STRN: variants seen among roughly 807,000 people sequenced by gnomAD.
The protein encoded by STRN is protein phosphatase 2 regulatory subunit B'''alpha.
STRN carries 53 observed loss-of-function variants against 96.3 expected under a neutral mutation model. The ratio of observed to expected loss-of-function variants is 0.55; its 90% CI spans 0.44 to 0.69. The LOEUF is 0.69. Among genes scored for constraint, STRN ranks in the 30% least tolerant of loss-of-function variants. STRN has a pLI of 0.00. For synonymous variants in STRN, 428 were observed against 355.9 expected, an observed-to-expected ratio of 1.20 and a Z score of -2.28; for missense variants, 987 against 963.9, an observed-to-expected ratio of 1.02 and a Z score of -0.32.
At chr2:36,921,834 A>C (rs1012312883) in intron 2 of STRN, among the ~76,000 whole-genome samples, 2 of 152,160 alleles carry the variant, frequency 1.3e-5, no homozygotes, top group Non-Finnish European at 2.9e-5. Context: ...TCTAAAATGT[A>C]TTTCATACTC....
chr2:36,936,288 C>A (rs537773780), intron 1 of STRN, among the ~76,000 whole-genome samples: 1 of 152,222 alleles, frequency 6.6e-6, no homozygotes, highest in African/African-American at 2.4e-5. Flanking sequence ...ACTGTAGTAA[C>A]AATAAAAACC....
rs140377439 is a variant in STRN, at chr2:36,858,953, T to G, written c.1670-930A>C. Reference sequence around the variant, plus strand: ...AGTGAAACCTAGAATTTACAGATGTTAGCCAGTTGAAGAAGAGGGGGAGAA... The same window carrying G: ...AGTGAAACCTAGAATTTACAGATGTGAGCCAGTTGAAGAAGAGGGGGAGAA... On this transcript the variant is annotated intron_variant, in intron 13 of 17. Coordinates refer to ENST00000263918, the MANE Select transcript of STRN (RefSeq NM_003162.4). 4.8e-3 allele frequency among the ~76,000 whole-genome samples: 728 copies of G among 152,278 alleles called. 6 individuals are homozygous for G. The highest frequency in any genetic ancestry group is 0.016 in the African/African-American group (672 of 41,554).
intron 1 of STRN, among the ~76,000 whole-genome samples, chr2:36,942,181 G>T (rs1318384975): frequency 2.0e-5 from 3 of 152,092 alleles, no homozygotes; most frequent in Non-Finnish European, 4.4e-5. Flanking sequence ...AGACCTTTTT[G>T]TTGCTTTTCC....
intron 1 of STRN, among the ~76,000 whole-genome samples, chr2:36,928,897 G>A (rs575977813): frequency 1.4e-5 from 2 of 147,538 alleles, no homozygotes; most frequent in African/African-American, 2.5e-5. Flanking sequence ...GCAGTGAGCC[G>A]AGACCACGCC....
intron 1 of STRN, among the ~76,000 whole-genome samples, chr2:36,945,204 T>G (rs1239513003): frequency 6.6e-6 from 1 of 152,034 alleles, no homozygotes; most frequent in Admixed American, 6.6e-5. Flanking sequence ...ATAAAGATAC[T>G]TTTTTAAAAG....
rs556153869 is a variant in STRN at position 36,882,279 on chromosome 2, T to C, written c.1186+1653A>G. ...TAATAATTTGAAGAGACAATGCAAA[T>C]ATAGTATTTAAATTCAGAATTTTTT... On this transcript the variant is annotated intron_variant, in intron 9 of 17. Coordinates refer to ENST00000263918, the MANE Select transcript of STRN (RefSeq NM_003162.4). 1.5e-4 allele frequency among the ~76,000 whole-genome samples: 23 copies of C among 152,312 alleles called. No homozygotes were observed. In the South Asian group the frequency reaches 3.5e-3, roughly 23 times the overall value.
rs534154348 is a variant in STRN at position 36,854,323 on chromosome 2, G to A, written c.1978+889C>T. ...CTCCTTTTCCAATTCTATCACCTGAGTTTAATTTATTTTCCTGTCTCTCTC... is the reference window on the plus strand; with the variant it reads ...CTCCTTTTCCAATTCTATCACCTGAATTTAATTTATTTTCCTGTCTCTCTC... On this transcript the variant is annotated intron_variant, in intron 15 of 17. Transcript: ENST00000263918. Among the ~76,000 whole-genome samples the A allele has an allele frequency of 7.2e-5, 11 of 152,192 alleles. No individual in the cohort carries two copies. The South Asian group carries it at 2.3e-3, about 32-fold the overall frequency.
chr2:36,917,350 T>C lies in STRN; in HGVS notation c.339-1199A>G, dbSNP rs377462716. Reference sequence around the variant, plus strand: ...CAGCCTGGCTAACATGGTGAAACCCTGTCTCTATCAAAAAATACAAAAATT... The same window carrying C: ...CAGCCTGGCTAACATGGTGAAACCCCGTCTCTATCAAAAAATACAAAAATT... On this transcript the variant is annotated intron_variant, in intron 2 of 17. Transcript: ENST00000263918. Among the ~76,000 whole-genome samples the C allele has an allele frequency of 4.6e-5, 7 of 151,288 alleles. No homozygotes were observed. The East Asian group carries it at 5.8e-4, about 13-fold the overall frequency.
chr2:36,931,951 G>A (rs1247574801), intron 1 of STRN, among the ~76,000 whole-genome samples: 1 of 151,988 alleles, frequency 6.6e-6, no homozygotes, highest in Non-Finnish European at 1.5e-5. Flanking sequence ...CTCCCAAGTT[G>A]CTGGGACTAT....
Position 36,837,865 on chromosome 2 carries a change from C to T in STRN, c.*11591G>A, listed in dbSNP as rs1052950495. Among the ~76,000 whole-genome samples, 1 of 151,904 alleles carries T rather than the reference C, an allele frequency of 6.6e-6. No individual in the cohort carries two copies. Among genetic ancestry groups the T allele is most frequent in the Non-Finnish European group, 1.5e-5 (1 of 67,998 alleles). On this transcript the variant is annotated 3_prime_UTR_variant, in exon 18 of 18. Transcript: ENST00000263918. ...CAAACTAGTTAACTAAAAAGACAAA[C>T]GGTACAAACATATGGACCAAAAATA... is the stretch of plus-strand genomic sequence containing the variant.
rs186314635 is a variant in STRN at position 36,924,745 on chromosome 2, T to A, written c.338+360A>T. On this transcript the variant is annotated intron_variant, in intron 2 of 17. Coordinates refer to ENST00000263918, the MANE Select transcript of STRN (RefSeq NM_003162.4). ...TTTATTTTAGGAATGATGAAAAAAA[T>A]TATTCCAACATTTAAGAGACCACCA... Among the ~76,000 whole-genome samples, 204 of 152,144 alleles carry A rather than the reference T, an allele frequency of 1.3e-3. 1 individual carries two copies. The highest frequency in any genetic ancestry group is 4.5e-3 in the African/African-American group (187 of 41,504).
intron 7 of STRN, among the ~76,000 whole-genome samples, chr2:36,891,909 T>C (rs1220111729): frequency 1.3e-5 from 2 of 152,214 alleles, no homozygotes; most frequent in Non-Finnish European, 2.9e-5. Flanking sequence ...AAAGGTATCT[T>C]ACTTTTTTTC....
At position 36,918,967 on chromosome 2, in the gene STRN, T is replaced by C. The variant is rs537568590; in HGVS notation, c.339-2816A>G. ...AGGTAGGCCCTCCATAAATGACCTT[T>C]ATTGGATAAAAGTAGCATAAAAATT... On this transcript the variant is annotated intron_variant, in intron 2 of 17. Coordinates refer to ENST00000263918, the MANE Select transcript of STRN (RefSeq NM_003162.4). 2.0e-5 allele frequency among the ~76,000 whole-genome samples: 3 copies of C among 152,310 alleles called. No individual in the cohort carries two copies. In the East Asian group the frequency reaches 5.8e-4, roughly 29 times the overall value.
rs949113494 is a variant in STRN at position 36,846,104 on chromosome 2, G to A, written c.*3352C>T. On this transcript the variant is annotated 3_prime_UTR_variant, in exon 18 of 18. Coordinates refer to ENST00000263918, the MANE Select transcript of STRN (RefSeq NM_003162.4). ...GATATTTGTTTTTGTTAAAAAGTCT[G>A]AATGTTCAATGGAAATAGTTCAGTA... is the stretch of plus-strand genomic sequence containing the variant. 17 of 148,880 alleles carry A rather than the reference G, an allele frequency of 1.1e-4. No homozygotes were observed. The highest frequency in any genetic ancestry group is 3.0e-5 in the Non-Finnish European group (2 of 67,620). The allele number at this position is 148,880 out of a possible 1,614,324, so 9.2% of individuals were successfully genotyped here. A position where few individuals can be genotyped will look rare whatever the true frequency, so the allele number is the denominator to read the frequency against.
intron 12 of STRN, among the ~76,000 whole-genome samples, chr2:36,863,515 G>A (rs1019534511): frequency 1.3e-5 from 2 of 152,076 alleles, no homozygotes; most frequent in Admixed American, 1.3e-4. Flanking sequence ...TCTCTATTCT[G>A]TTTCATTGGT....
At chr2:36,935,233 C>T (rs1670673629) in intron 1 of STRN, among the ~76,000 whole-genome samples, 1 of 152,164 alleles carries the variant, frequency 6.6e-6, no homozygotes. Context: ...TCGGATTCTA[C>T]CAATGTCCTA....
intron 5 of STRN, 27 bp from the exon 6 acceptor site, chr2:36,899,685 T>C (rs1413689187): frequency 6.5e-7 from 1 of 1,547,332 alleles, no homozygotes; most frequent in African/African-American, 1.4e-5. Context: ...ATATCCTGCT[T>C]AGTTAATCTT....
At chr2:36,866,829 G>A (rs1329570852) in intron 12 of STRN, among the ~76,000 whole-genome samples, 1 of 152,144 alleles carries the variant, frequency 6.6e-6, no homozygotes, top group Admixed American at 6.5e-5. Context: ...TGTTTTGTCT[G>A]AAATTAGAGT....
chr2:36,876,873 G>A (rs559780417), intron 10 of STRN, among the ~76,000 whole-genome samples: 4 of 151,522 alleles, frequency 2.6e-5, no homozygotes, highest in African/African-American at 7.3e-5. Flanking sequence ...TCAGCCTCCC[G>A]AGTAGTTGGG....
Sources: allele counts gnomAD v4.1 joint callset (sites outside exome capture counted in the v4.1 genomes callset), GRCh38; gene constraint gnomAD v4.1.1; transcripts MANE v1.5; gene names NCBI Gene and HGNC (gene_info 2026-07-23, HGNC 2026-07-21).